CDH13: variants seen among roughly 807,000 people sequenced by gnomAD.
The protein encoded by CDH13 is cadherin-13.
In CDH13, 24 loss-of-function variants were observed where a neutral mutation model predicts 63.8. The observed-to-expected ratio is 0.38, with a 90% CI of 0.27 to 0.53. The LOEUF (loss-of-function observed/expected upper bound fraction) is 0.53, where lower values mean the gene tolerates loss of function less well. Ranked by LOEUF, CDH13 falls within the 20% of genes least tolerant of loss-of-function variation. The pLI is 0.85. For synonymous variants in CDH13, 503 were observed against 355.3 expected (o/e 1.42, Z -4.67); for missense variants, 1,049 against 903.1 (o/e 1.16, Z -2.07).
intron 6 of CDH13, chr16:83,396,605 C>G (rs1019397533): frequency 2.6e-5 from 4 of 151,986 alleles, no homozygotes; most frequent in African/African-American, 7.3e-5. Flanking sequence ...CCTGAACTCT[C>G]TCATCCTCAC....
chr16:83,752,878 G>C lies in CDH13; in HGVS notation c.1681+4628G>C, dbSNP rs544551661. 3.3e-5 allele frequency among the ~76,000 whole-genome samples: 5 copies of C among 152,296 alleles called. No homozygotes were observed. In the South Asian group the frequency reaches 1.0e-3, roughly 32 times the overall value. Reference sequence around the variant, plus strand: ...CCACCCAGGTGGGGGTTTCAGAAAGGAAAGAATAGAGCCAGGAATGATCCT... The same window carrying C: ...CCACCCAGGTGGGGGTTTCAGAAAGCAAAGAATAGAGCCAGGAATGATCCT... On this transcript the variant is annotated intron_variant, in intron 11 of 13. Transcript: ENST00000567109.
intron 1 of CDH13, among the ~76,000 whole-genome samples, chr16:82,841,649 T>C (rs898634360): frequency 1.3e-5 from 2 of 151,994 alleles, no homozygotes; most frequent in Non-Finnish European, 2.9e-5. Context: ...CCAGGCTGTT[T>C]TAACTCATAC....
intron 3 of CDH13, among the ~76,000 whole-genome samples, chr16:83,083,119 A>G (rs778634529): frequency 1.3e-5 from 2 of 152,244 alleles, no homozygotes; most frequent in African/African-American, 2.4e-5. Flanking sequence ...AATGTAAAGT[A>G]ATTGGACATT....
intron 5 of CDH13, among the ~76,000 whole-genome samples, chr16:83,257,198 A>G (rs1236097578): frequency 2.6e-5 from 4 of 152,156 alleles, no homozygotes; most frequent in Non-Finnish European, 5.9e-5. Context: ...AGGAGAAAAG[A>G]CAGTAGGGCT....
intron 4 of CDH13, among the ~76,000 whole-genome samples, chr16:83,207,974 T>C (rs1430250336): frequency 6.6e-6 from 1 of 152,162 alleles, no homozygotes; most frequent in Non-Finnish European, 1.5e-5. Context: ...GGATGGTAGA[T>C]TCAGATCCCC....
intron 10 of CDH13, among the ~76,000 whole-genome samples, chr16:83,689,812 T>C (rs1321118778): frequency 1.3e-5 from 2 of 152,178 alleles, no homozygotes; most frequent in Non-Finnish European, 2.9e-5. Context: ...AACCTCTCTC[T>C]CCATTCATTC....
At chr16:83,453,718 C>A (rs995159820) in intron 6 of CDH13, among the ~76,000 whole-genome samples, 1 of 152,012 alleles carries the variant, frequency 6.6e-6, no homozygotes, top group Non-Finnish European at 1.5e-5. Context: ...GCCGTACTCC[C>A]GAACTTGTTT....
intron 5 of CDH13, among the ~76,000 whole-genome samples, chr16:83,328,311 A>G (rs1458773638): frequency 6.6e-6 from 1 of 152,140 alleles, no homozygotes; most frequent in Non-Finnish European, 1.5e-5. Context: ...GAAGCTTCAG[A>G]GTGAAATAAA....
At chr16:83,061,394 C>T (rs561987142) in intron 3 of CDH13, among the ~76,000 whole-genome samples, 2 of 152,300 alleles carry the variant, frequency 1.3e-5, no homozygotes, top group South Asian at 4.1e-4. Context: ...ATGGTTTATG[C>T]TAATCCTCTT....
intron 2 of CDH13, among the ~76,000 whole-genome samples, chr16:83,007,530 G>A (rs149256237): frequency 7.2e-5 from 11 of 151,952 alleles, no homozygotes; most frequent in East Asian, 1.9e-4. Context: ...AAAATACCTC[G>A]TAAGAAAAAT....
chr16:83,043,483 A>G (rs1917500666), intron 3 of CDH13, among the ~76,000 whole-genome samples: 2 of 135,100 alleles, frequency 1.5e-5, no homozygotes. Flanking sequence ...TAATAACTGT[A>G]TATATGAGTG....
chr16:83,276,635 C>T (rs192279760), intron 5 of CDH13, among the ~76,000 whole-genome samples: 1 of 152,120 alleles, frequency 6.6e-6, no homozygotes, highest in Non-Finnish European at 1.5e-5. Flanking sequence ...CTTTGGGAGG[C>T]CAAGTCGGGA....
chr16:83,121,428 A>G (rs978937430), intron 3 of CDH13, among the ~76,000 whole-genome samples: 3 of 152,164 alleles, frequency 2.0e-5, no homozygotes, highest in African/African-American at 7.2e-5. Flanking sequence ...TTTACTTTGG[A>G]GGTCTGTTGG....
intron 7 of CDH13, among the ~76,000 whole-genome samples, chr16:83,601,811 G>T (rs371859706): frequency 3.3e-5 from 5 of 152,138 alleles, no homozygotes; most frequent in African/African-American, 1.2e-4. Context: ...GGACAACGTA[G>T]GGGCCGGGCG....
At chr16:82,743,723 C>T (rs11647530) in intron 1 of CDH13, among the ~76,000 whole-genome samples, 36,099 of 151,930 alleles carry the variant, frequency 0.24, 5,191 homozygotes, top group South Asian at 0.37. Flanking sequence ...GTTGCTTGTC[C>T]CCCACTGTTA....
chr16:83,517,539 A>C (rs141895574), intron 7 of CDH13, among the ~76,000 whole-genome samples: 1,565 of 141,048 alleles, frequency 0.011, 14 homozygotes, highest in Middle Eastern at 0.054. Flanking sequence ...AGCAGCCCTT[A>C]AATGCTTCAA....
chr16:83,695,357 C>A (rs1236727579), intron 10 of CDH13, among the ~76,000 whole-genome samples: 1 of 152,304 alleles, frequency 6.6e-6, no homozygotes, highest in South Asian at 2.1e-4. Flanking sequence ...CTCTTTGGGC[C>A]CATTTCTTCT....
intron 6 of CDH13, among the ~76,000 whole-genome samples, chr16:83,471,738 A>G (rs901228882): frequency 6.1e-4 from 93 of 152,228 alleles, no homozygotes; most frequent in African/African-American, 2.2e-3. Flanking sequence ...CTACTACACC[A>G]TATGCTCACC....
intron 4 of CDH13, among the ~76,000 whole-genome samples, chr16:83,166,827 T>C (rs2037694561): frequency 6.6e-6 from 1 of 152,206 alleles, no homozygotes; most frequent in African/African-American, 2.4e-5. Flanking sequence ...AGCATTATTA[T>C]GAAGCAAGGA....
Sources: gnomAD v4.1 joint callset for allele counts (sites outside exome capture counted in the v4.1 genomes callset) on GRCh38, gnomAD v4.1.1 for gene constraint, MANE v1.5 for transcripts, NCBI Gene and HGNC (gene_info 2026-07-23, HGNC 2026-07-21) for gene names.